The following NT5DC1 variants were observed in gnomAD, a reference collection of about 807,000 sequenced individuals.
The protein encoded by NT5DC1 is 5'-nucleotidase domain-containing protein 1.
In NT5DC1, 42 loss-of-function variants were observed where a neutral mutation model predicts 59.4. The ratio of observed to expected loss-of-function variants is 0.71; its 90% CI spans 0.55 to 0.92. The LOEUF (loss-of-function observed/expected upper bound fraction) is 0.92. Among genes scored for constraint, NT5DC1 ranks in the 40% least tolerant of loss-of-function variants. NT5DC1 has a pLI of 0.00. For synonymous variants in NT5DC1, 172 were observed against 188.1 expected (o/e 0.91, Z 0.70); for missense variants, 501 against 537.1 (o/e 0.93, Z 0.66).
chr6:116,230,625 T>C (rs140544832), intron 8 of NT5DC1, among the ~76,000 whole-genome samples: 3 of 152,354 alleles, frequency 2.0e-5, no homozygotes, highest in South Asian at 2.1e-4. Flanking sequence ...GGCATAGATA[T>C]ATGTAGAATG....
chr6:116,157,043 C>T (rs1303232773), intron 6 of NT5DC1, among the ~76,000 whole-genome samples: 1 of 152,142 alleles, frequency 6.6e-6, no homozygotes, highest in Non-Finnish European at 1.5e-5. Context: ...CATAGCACTG[C>T]CTCCCTTCCA....
chr6:116,216,757 T>C (rs766445042), intron 6 of NT5DC1, among the ~76,000 whole-genome samples: 1 of 152,140 alleles, frequency 6.6e-6, no homozygotes, highest in Non-Finnish European at 1.5e-5. Flanking sequence ...AAAATAAATT[T>C]ATCTCTTTTA....
rs56295720 is a variant in NT5DC1 at position 116,106,343 on chromosome 6, C to CT, written c.185+27dup. On this transcript the variant is annotated intron_variant, in intron 2 of 11. Transcript: ENST00000319550. Reference sequence around the variant, plus strand: ...AGAGGATTGGGATTTCTGGTAAGTTCTTTTTTTTTTTTTTTTTTTAAGTCT... The same window carrying CT: ...AGAGGATTGGGATTTCTGGTAAGTTCTTTTTTTTTTTTTTTTTTTTAAGTCT... 4.2e-3 allele frequency: 3,302 copies of CT among 777,794 alleles called. 12 individuals carry two copies. The highest frequency in any genetic ancestry group is 0.022 in the South Asian group (1,299 of 59,698). 48.2% of individuals were successfully genotyped at this position (777,794 alleles called of 1,614,324 possible).
At chr6:116,140,281 C>G (rs540297294) in intron 6 of NT5DC1, among the ~76,000 whole-genome samples, 3 of 152,136 alleles carry the variant, frequency 2.0e-5, no homozygotes, top group African/African-American at 7.2e-5. Flanking sequence ...AGCTGAAATG[C>G]CGTGGTAGCA....
At chr6:116,225,998 A>C (rs1322063875) in intron 8 of NT5DC1, among the ~76,000 whole-genome samples, 1 of 152,200 alleles carries the variant, frequency 6.6e-6, no homozygotes, top group East Asian at 1.9e-4. Flanking sequence ...CCCCCCAACG[A>C]CGAAGAATTA....
intron 6 of NT5DC1, among the ~76,000 whole-genome samples, chr6:116,175,822 T>C (rs990158848): frequency 6.6e-6 from 1 of 152,222 alleles, no homozygotes; most frequent in Admixed American, 6.5e-5. Context: ...TGTTTATCCT[T>C]TTCACTAGAT....
chr6:116,151,396 CAT>C (rs1461044649), intron 6 of NT5DC1, among the ~76,000 whole-genome samples: 14 of 152,226 alleles, frequency 9.2e-5, no homozygotes, highest in African/African-American at 2.9e-4. Context: ...GTTTTCAACT[CAT>C]ATTGTTTTTG....
At chr6:116,188,776 GT>G (rs906871606) in intron 6 of NT5DC1, among the ~76,000 whole-genome samples, 2 of 150,934 alleles carry the variant, frequency 1.3e-5, no homozygotes, top group African/African-American at 4.9e-5. Flanking sequence ...ACAGATTTAT[GT>G]TTTTTGTCTT....
intron 6 of NT5DC1, among the ~76,000 whole-genome samples, chr6:116,211,367 GGTTTGTTGTGCA>G (rs1781574808): frequency 6.6e-6 from 1 of 151,922 alleles, no homozygotes; most frequent in South Asian, 2.1e-4. Flanking sequence ...TGTTTGAGGT[GGTTTGTTGTGCA>G]GCAATAAAAA....
Position 116,124,852 on chromosome 6 carries a change from G to T in NT5DC1, c.529+6907G>T, listed in dbSNP as rs187791829. Among the ~76,000 whole-genome samples, 400 of 152,152 alleles carry T rather than the reference G, an allele frequency of 2.6e-3. 10 individuals are homozygous for T. In the South Asian group the frequency reaches 0.044, roughly 17 times the overall value. On this transcript the variant is annotated intron_variant, in intron 6 of 11. Transcript: ENST00000319550. ...CTCATAATTACATTTGTTCATTGTT[G>T]GGGGGGAGGCCATCAGATTTTTTTG...
At chr6:116,209,790 A>G (rs1373825454) in intron 6 of NT5DC1, among the ~76,000 whole-genome samples, 1 of 152,004 alleles carries the variant, frequency 6.6e-6, no homozygotes, top group African/African-American at 2.4e-5. Flanking sequence ...ATCCTGAGGA[A>G]AAGCAGAATT....
chr6:116,238,039 T>G, intron 9 of NT5DC1, 148 bp from the exon 10 acceptor site: 1 of 537,230 alleles, frequency 1.9e-6, no homozygotes, highest in Non-Finnish European at 3.2e-6. Flanking sequence ...TGGTCACCTG[T>G]GAGATTATTC....
intron 6 of NT5DC1, chr6:116,120,186 G>T (rs1779068100): frequency 6.2e-7 from 1 of 1,614,122 alleles, no homozygotes; most frequent in Non-Finnish European, 8.5e-7. Context: ...TTTTCTGTGA[G>T]ATCGATGATG....
At position 116,249,058 on chromosome 6, in the gene NT5DC1, C is replaced by T. The variant is rs1459193393; in HGVS notation, c.*5034C>T. 6.6e-6 allele frequency: 1 copy of T among 152,108 alleles called. No homozygotes were observed. Among genetic ancestry groups the T allele is most frequent in the Non-Finnish European group, 1.5e-5 (1 of 67,994 alleles). 9.4% of individuals were successfully genotyped at this position (152,108 alleles called of 1,614,324 possible). A position where few individuals can be genotyped will look rare whatever the true frequency, so the allele number is the denominator to read the frequency against. On this transcript the variant is annotated 3_prime_UTR_variant, in exon 12 of 12. Coordinates refer to ENST00000319550, the MANE Select transcript of NT5DC1 (RefSeq NM_152729.3). ...CAGGCATAGAAAAGGTATAATAAAG[C>T]TTGAAACAGGTGGCTGACAATGCAG...
intron 4 of NT5DC1, among the ~76,000 whole-genome samples, chr6:116,114,590 A>T (rs561763804): frequency 6.6e-6 from 1 of 151,326 alleles, no homozygotes; most frequent in East Asian, 2.0e-4. Flanking sequence ...GCACCTTATT[A>T]TTAATGTAAA....
chr6:116,105,842 C>G (rs932668261), intron 1 of NT5DC1, among the ~76,000 whole-genome samples: 1 of 151,930 alleles, frequency 6.6e-6, no homozygotes, highest in Non-Finnish European at 1.5e-5. Context: ...ATATGTATTT[C>G]CCTGACATGG....
chr6:116,237,564 A>G, intron 9 of NT5DC1: 1 of 456,226 alleles, frequency 2.2e-6, no homozygotes, highest in Non-Finnish European at 4.4e-6. Flanking sequence ...CTGAGGGTTA[A>G]TGGATGGAGC....
Position 116,106,240 on chromosome 6 carries a change from G to A in NT5DC1, c.94-4G>A. 2.1e-6 allele frequency: 3 copies of A among 1,440,308 alleles called. No homozygotes were observed. The highest frequency in any genetic ancestry group is 2.9e-6 in the Non-Finnish European group (3 of 1,023,098). 89.2% of individuals were successfully genotyped at this position (1,440,308 alleles called of 1,614,324 possible). ...TAATCTGTTTTTCTTCCCCTTATTT[G>A]CAGCTCATTTATAATAGCTTTGCCC... On this transcript the variant is annotated splice_polypyrimidine_tract_variant and splice_region_variant and intron_variant, in intron 1 of 11. Coordinates refer to ENST00000319550, the MANE Select transcript of NT5DC1 (RefSeq NM_152729.3).
At position 116,238,271 on chromosome 6, in the gene NT5DC1, G is replaced by T. The variant is rs969166916; in HGVS notation, c.1006G>T (p.Glu336Ter). 1.2e-6 allele frequency: 2 copies of T among 1,613,256 alleles called. No individual in the cohort carries two copies. The highest frequency in any genetic ancestry group is 1.7e-6 in the Non-Finnish European group (2 of 1,179,480). Residue 336 changes from glutamate to a stop codon, truncating the protein, a stop_gained, in exon 10 of 12, where the codon GAA becomes TAA. Transcript: ENST00000319550. LOFTEE classifies it high-confidence loss of function. ...TTGGGAGACAGTCCTCATCCTGGAAGAACTCAGAGGGGATGAAGGCACGAG... is the reference window on the plus strand; with the variant it reads ...TTGGGAGACAGTCCTCATCCTGGAATAACTCAGAGGGGATGAAGGCACGAG... ...SNWETVLILE[E>*]LRGDEGTRSQ...
Sources: gnomAD v4.1 joint callset for allele counts (sites outside exome capture counted in the v4.1 genomes callset) on GRCh38, gnomAD v4.1.1 for gene constraint, MANE v1.5 for transcripts, NCBI Gene and HGNC (gene_info 2026-07-23, HGNC 2026-07-21) for gene names.